ZBTB20: variants seen among roughly 807,000 people sequenced by gnomAD.
ZBTB20 encodes zinc finger and BTB domain-containing protein 20.
In ZBTB20, 9 loss-of-function variants were observed where a neutral mutation model predicts 56.9. The ratio of observed to expected loss-of-function variants is 0.16; its 90% CI spans 0.10 to 0.28. The LOEUF is 0.28. ZBTB20 is among the 10% of genes least tolerant of loss of function. The pLI is 1.00. For synonymous variants in ZBTB20, 417 were observed against 420.7 expected (o/e 0.99, Z 0.11); for missense variants, 655 against 1,003.0 (o/e 0.65, Z 4.69).
chr3:114,944,522 C>T lies in ZBTB20; in HGVS notation c.-456+29844G>A, dbSNP rs113685032. On this transcript the variant is annotated intron_variant, in intron 3 of 11. Transcript: ENST00000675478. Reference sequence around the variant, plus strand: ...TGACGTTAGTATGTTGAAGAGATATCTGCTCTCCCACATTCATCGTAGCAT... The same window carrying T: ...TGACGTTAGTATGTTGAAGAGATATTTGCTCTCCCACATTCATCGTAGCAT... Among the ~76,000 whole-genome samples the T allele has an allele frequency of 2.9e-3, 420 of 145,660 alleles. 88 individuals carry two copies. The highest frequency in any genetic ancestry group is 0.011 in the African/African-American group (389 of 35,866).
At chr3:114,707,900 G>A (rs1172228187) in intron 5 of ZBTB20, among the ~76,000 whole-genome samples, 3 of 152,070 alleles carry the variant, frequency 2.0e-5, no homozygotes, top group Non-Finnish European at 2.9e-5. Flanking sequence ...TTAACCACAG[G>A]GCATTGTCCT....
At chr3:114,931,494 C>T (rs1316054287) in intron 3 of ZBTB20, 1 of 162,690 alleles carries the variant, frequency 6.1e-6, no homozygotes, top group Admixed American at 6.5e-5. Flanking sequence ...CCAGTTTAAT[C>T]ATCCAACAAG....
At chr3:114,778,789 G>A (rs192810861) in intron 5 of ZBTB20, among the ~76,000 whole-genome samples, 24 of 152,250 alleles carry the variant, frequency 1.6e-4, no homozygotes, top group African/African-American at 5.8e-4. Flanking sequence ...AAGATGGACA[G>A]AGTCATTTAT....
At chr3:114,660,869 A>T (rs1170565676) in intron 6 of ZBTB20, among the ~76,000 whole-genome samples, 2 of 152,118 alleles carry the variant, frequency 1.3e-5, no homozygotes, top group Non-Finnish European at 2.9e-5. Flanking sequence ...CTAGATAAAT[A>T]GATGGGGCGG....
intron 5 of ZBTB20, among the ~76,000 whole-genome samples, chr3:114,718,712 G>A (rs771483851): frequency 3.9e-5 from 6 of 151,924 alleles, no homozygotes; most frequent in African/African-American, 9.7e-5. Context: ...AAAAAGGAAC[G>A]TTTCTATCAC....
At chr3:115,017,132 C>T (rs1014540935) in intron 2 of ZBTB20, among the ~76,000 whole-genome samples, 3 of 151,650 alleles carry the variant, frequency 2.0e-5, no homozygotes, top group Non-Finnish European at 4.4e-5. Flanking sequence ...TCTAGAAAAG[C>T]ACATCATCTC....
chr3:114,875,158 G>A (rs932335081), intron 4 of ZBTB20, among the ~76,000 whole-genome samples: 2 of 152,082 alleles, frequency 1.3e-5, no homozygotes, highest in African/African-American at 4.8e-5. Context: ...GCTTCAAGAA[G>A]AACTGATTAG....
chr3:114,455,915 A>C (rs1041638637), intron 7 of ZBTB20, among the ~76,000 whole-genome samples: 2 of 151,904 alleles, frequency 1.3e-5, no homozygotes, highest in African/African-American at 4.8e-5. Context: ...TCCCCCTCCC[A>C]ATTTAGTAGA....
chr3:114,791,256 G>T (rs528389092), intron 5 of ZBTB20, among the ~76,000 whole-genome samples: 2 of 152,274 alleles, frequency 1.3e-5, no homozygotes, highest in South Asian at 2.1e-4. Context: ...CTTGCTAGTG[G>T]TAAGCAATGA....
chr3:114,621,322 T>C (rs796664608), intron 6 of ZBTB20, among the ~76,000 whole-genome samples: 2 of 152,318 alleles, frequency 1.3e-5, no homozygotes, highest in African/African-American at 4.8e-5. Flanking sequence ...ACATTTCATT[T>C]ATGGTCATTA....
chr3:114,368,698 G>A, intron 10 of ZBTB20, among the ~76,000 whole-genome samples: 1 of 152,234 alleles, frequency 6.6e-6, no homozygotes, highest in Non-Finnish European at 1.5e-5. Flanking sequence ...AGGCCTCCAG[G>A]TCAAGAACTC....
At chr3:114,782,880 A>C (rs1439303869) in intron 5 of ZBTB20, among the ~76,000 whole-genome samples, 1 of 152,210 alleles carries the variant, frequency 6.6e-6, no homozygotes, top group Admixed American at 6.5e-5. Flanking sequence ...ATAAACATCA[A>C]AGGTATTCCT....
At chr3:115,125,942 G>A (rs1026714469) in intron 1 of ZBTB20, among the ~76,000 whole-genome samples, 1 of 151,952 alleles carries the variant, frequency 6.6e-6, no homozygotes, top group African/African-American at 2.4e-5. Context: ...GAAAAGACAA[G>A]CTACAAGGGA....
chr3:114,665,790 G>A (rs543676553), intron 6 of ZBTB20, among the ~76,000 whole-genome samples: 5 of 152,038 alleles, frequency 3.3e-5, no homozygotes, highest in East Asian at 1.9e-4. Context: ...AAACAAACAC[G>A]CTTGTTAATA....
chr3:114,322,055 A>G lies in ZBTB20; in HGVS notation c.*16950T>C, dbSNP rs2078912704. ...AAATCCAGACTGTGGCTTTTTCAAC[A>G]CTTGAATTCATTGGCCAGTTGTCTG... On this transcript the variant is annotated 3_prime_UTR_variant, in exon 12 of 12. Transcript: ENST00000675478. 1 of 152,150 alleles carries G rather than the reference A, an allele frequency of 6.6e-6. No homozygotes were observed. Among genetic ancestry groups the G allele is most frequent in the South Asian group, 2.1e-4 (1 of 4,818 alleles). The allele number at this position is 152,150 out of a possible 1,614,324, so 9.4% of individuals were successfully genotyped here.
intron 4 of ZBTB20, among the ~76,000 whole-genome samples, chr3:114,811,995 T>C (rs1353906146): frequency 4.6e-5 from 7 of 152,224 alleles, no homozygotes; most frequent in Non-Finnish European, 2.9e-5. Context: ...TCGGAGTTTC[T>C]GCCTTCTGGT....
intron 6 of ZBTB20, among the ~76,000 whole-genome samples, chr3:114,551,894 T>C (rs1465229720): frequency 6.6e-6 from 1 of 152,196 alleles, no homozygotes; most frequent in Non-Finnish European, 1.5e-5. Flanking sequence ...AACACTTTTA[T>C]TTCTATAAAT....
chr3:114,991,137 C>A (rs896583735), intron 2 of ZBTB20, among the ~76,000 whole-genome samples: 1 of 152,016 alleles, frequency 6.6e-6, no homozygotes, highest in Non-Finnish European at 1.5e-5. Flanking sequence ...TGATTTCTTG[C>A]CTTCTGCTAG....
chr3:114,356,807 A>AATCCCTGC (rs2081301540), intron 10 of ZBTB20, among the ~76,000 whole-genome samples: 1 of 152,138 alleles, frequency 6.6e-6, no homozygotes, highest in Non-Finnish European at 1.5e-5. Context: ...AGTCCTGCTG[A>AATCCCTGC]ATCCCTGCAC....
Sources: gnomAD v4.1 joint callset for allele counts (sites outside exome capture counted in the v4.1 genomes callset) on GRCh38, gnomAD v4.1.1 for gene constraint, MANE v1.5 for transcripts, NCBI Gene and HGNC (gene_info 2026-07-23, HGNC 2026-07-21) for gene names.